Variants in LRRK2 observed in about 807,000 individuals in gnomAD.
The protein encoded by LRRK2 is leucine-rich repeat serine/threonine-protein kinase 2.
LRRK2 carries 203 observed loss-of-function variants against 302.6 expected under a neutral mutation model. The observed-to-expected ratio is 0.67, with a 90% CI of 0.60 to 0.75. The LOEUF (loss-of-function observed/expected upper bound fraction) is 0.75. Ranked by LOEUF, LRRK2 falls within the 30% of genes least tolerant of loss-of-function variation. The pLI is 0.00. For missense variants in LRRK2, 2,830 were observed against 2,951.0 expected (o/e 0.96, Z 0.95); for synonymous variants, 1,066 against 1,031.9 (o/e 1.03, Z -0.63).
chr12:40,247,380 C>T (rs1411879744), intron 7 of LRRK2, among the ~76,000 whole-genome samples: 1 of 150,766 alleles, frequency 6.6e-6, no homozygotes, highest in African/African-American at 2.4e-5. Flanking sequence ...ACATTTCTTT[C>T]ATAGCTTCCA....
At chr12:40,266,210 C>G (rs1040755472) in intron 14 of LRRK2, among the ~76,000 whole-genome samples, 8 of 152,000 alleles carry the variant, frequency 5.3e-5, no homozygotes, top group Admixed American at 3.9e-4. Flanking sequence ...TCAGAGTGAA[C>G]AGGCAACCTA....
chr12:40,350,277 C>A (rs1346299344), intron 43 of LRRK2, among the ~76,000 whole-genome samples: 1 of 152,168 alleles, frequency 6.6e-6, no homozygotes, highest in Admixed American at 6.5e-5. Flanking sequence ...CAAGAGTATA[C>A]ATTTATATTA....
At chr12:40,351,806 TTAAA>T (rs1307967433) in intron 44 of LRRK2, 73 bp downstream of exon 44, 1 of 1,398,772 alleles carries the variant, frequency 7.1e-7, no homozygotes, top group African/African-American at 1.4e-5. Flanking sequence ...TAGGAATAAA[TTAAA>T]TAAGAGCCAA....
intron 18 of LRRK2, among the ~76,000 whole-genome samples, chr12:40,280,948 G>C (rs1943667624): frequency 1.3e-5 from 2 of 151,532 alleles, no homozygotes; most frequent in African/African-American, 4.8e-5. Context: ...GGTGCCTGTA[G>C]TCCCAGCTAC....
chr12:40,359,042 T>C (rs1256054390), intron 46 of LRRK2, among the ~76,000 whole-genome samples: 2 of 152,138 alleles, frequency 1.3e-5, no homozygotes, highest in Non-Finnish European at 2.9e-5. Context: ...TGTATAGATA[T>C]GCTACTGATT....
chr12:40,334,568 A>T (rs566986532), intron 39 of LRRK2, among the ~76,000 whole-genome samples: 1 of 152,250 alleles, frequency 6.6e-6, no homozygotes, highest in Non-Finnish European at 1.5e-5. Flanking sequence ...TATTTAAAAA[A>T]TCATAATGAA....
At chr12:40,329,831 T>A (rs1945663337) in intron 39 of LRRK2, among the ~76,000 whole-genome samples, 1 of 152,178 alleles carries the variant, frequency 6.6e-6, no homozygotes, top group South Asian at 2.1e-4. Flanking sequence ...ACCTTAACCT[T>A]CTGAGTACCA....
In LRRK2 at chr12:40,298,375, G is replaced by A. The variant is rs1217213302; in HGVS notation, c.3229G>A (p.Asp1077Asn). 6.2e-7 allele frequency: 1 copy of A among 1,613,856 alleles called. No individual in the cohort carries two copies. The highest frequency in any genetic ancestry group is 1.7e-5 in the Admixed American group (1 of 59,974). ...TGACATTGGACCCTCAGTGGTTTTA[G>A]ATCCTACAGTGAAATGTCCAACTCT... ...RNDIGPSVVL[D>N]PTVKCPTLKQ... Residue 1077 changes from aspartate (D) to asparagine (N), a missense_variant, in exon 24 of 51, where the codon GAT (aspartate) becomes AAT (asparagine). Coordinates refer to ENST00000298910, the MANE Select transcript of LRRK2 (RefSeq NM_198578.4).
At chr12:40,283,727 C>T in intron 18 of LRRK2, 148 bp from the exon 19 acceptor site, 1 of 632,832 alleles carries the variant, frequency 1.6e-6, no homozygotes, top group Non-Finnish European at 2.7e-6. Flanking sequence ...TTTTCCCAAT[C>T]TATTCAAGGA....
At chr12:40,265,948 T>G (rs1049368127) in intron 14 of LRRK2, among the ~76,000 whole-genome samples, 2 of 152,186 alleles carry the variant, frequency 1.3e-5, no homozygotes, top group Admixed American at 1.3e-4. Flanking sequence ...TGGCTAGCCA[T>G]ATGTAGAAAG....
At chr12:40,256,057 T>C (rs930027719) in intron 11 of LRRK2, among the ~76,000 whole-genome samples, 1 of 152,232 alleles carries the variant, frequency 6.6e-6, no homozygotes. Flanking sequence ...TGTGTAATGT[T>C]GGAACTGATA....
At chr12:40,342,528 CTATT>C (rs1946076144) in intron 41 of LRRK2, among the ~76,000 whole-genome samples, 1 of 143,720 alleles carries the variant, frequency 7.0e-6, no homozygotes, top group Non-Finnish European at 1.5e-5. Context: ...TATCATTACT[CTATT>C]TATTATTGTT....
intron 14 of LRRK2, among the ~76,000 whole-genome samples, chr12:40,264,845 CA>C (rs1345366959): frequency 6.6e-6 from 1 of 151,936 alleles, no homozygotes; most frequent in East Asian, 1.9e-4. Flanking sequence ...TTGTGTAATG[CA>C]AAAAGTATTG....
At chr12:40,331,830 T>C (rs976163620) in intron 39 of LRRK2, among the ~76,000 whole-genome samples, 6 of 152,212 alleles carry the variant, frequency 3.9e-5, no homozygotes, top group Non-Finnish European at 8.8e-5. Context: ...GTACTCACCA[T>C]AGGATTGGTT....
In LRRK2 at chr12:40,367,943, T is replaced by C; in HGVS notation, c.*178T>C. On this transcript the variant is annotated 3_prime_UTR_variant, in exon 51 of 51. Coordinates refer to ENST00000298910, the MANE Select transcript of LRRK2 (RefSeq NM_198578.4). ...AAAAATACTTACCAGTAAATGTGTA[T>C]TTTAAAGAACTATTTAAAACACAAT... 1 of 444,374 alleles carries C rather than the reference T, an allele frequency of 2.3e-6. No individual in the cohort carries two copies. The highest frequency in any genetic ancestry group is 3.9e-6 in the Non-Finnish European group (1 of 257,830). The allele number at this position is 444,374 out of a possible 1,614,324, so 27.5% of individuals were successfully genotyped here.
intron 33 of LRRK2, among the ~76,000 whole-genome samples, chr12:40,315,553 G>T (rs1469805706): frequency 6.6e-6 from 1 of 151,978 alleles, no homozygotes; most frequent in Non-Finnish European, 1.5e-5. Context: ...GCCCCATGCT[G>T]CTTTACTAGA....
At chr12:40,349,536 C>T (rs867511325) in intron 43 of LRRK2, among the ~76,000 whole-genome samples, 1 of 125,368 alleles carries the variant, frequency 8.0e-6, no homozygotes, top group Non-Finnish European at 1.7e-5. Flanking sequence ...TATTTAGAGG[C>T]AGGGTCTCAC....
At chr12:40,358,169 A>C (rs1946599260) in intron 46 of LRRK2, among the ~76,000 whole-genome samples, 1 of 151,530 alleles carries the variant, frequency 6.6e-6, no homozygotes, top group Non-Finnish European at 1.5e-5. Context: ...ATATTTCCTC[A>C]CATTTAATGG....
Position 40,232,349 on chromosome 12 carries a change from G to T in LRRK2, c.313G>T (p.Val105Phe), listed in dbSNP as rs199583240. The T allele has an allele frequency of 1.9e-6, 3 of 1,613,966 alleles. No individual in the cohort carries two copies. The highest frequency in any genetic ancestry group is 2.5e-6 in the Non-Finnish European group (3 of 1,179,954). ...GCAAAGCTTAATGGGACCCCAGGATGTTGGAAATGATTGGGAAGTCCTTGG... is the reference window on the plus strand; with the variant it reads ...GCAAAGCTTAATGGGACCCCAGGATTTTGGAAATGATTGGGAAGTCCTTGG... The part of the protein sequence containing the change: ...TMQSLMGPQD[V>F]GNDWEVLGVH... Residue 105 changes from valine (V) to phenylalanine (F), a missense_variant, in exon 3 of 51, where the codon GTT becomes TTT. Physicochemically the swap from Val to Phe is conservative, Grantham distance 50 (BLOSUM62 -1). This residue lies in a region of LRRK2 where 2,121 missense variants were observed against 2,148.0 expected (regional missense o/e 0.99). Coordinates refer to ENST00000298910, the MANE Select transcript of LRRK2 (RefSeq NM_198578.4).
Sources: allele counts gnomAD v4.1 joint callset (sites outside exome capture counted in the v4.1 genomes callset), GRCh38; gene constraint gnomAD v4.1.1; regional missense constraint gnomAD v4.1.1; transcripts MANE v1.5; gene names NCBI Gene and HGNC (gene_info 2026-07-23, HGNC 2026-07-21).